The following WWC1 variants were observed in gnomAD, a reference collection of about 807,000 sequenced individuals.
WWC1 encodes WW and C2 domain containing 1.
A neutral mutation model predicts 138.4 loss-of-function variants in WWC1; 55 were observed. That is an observed-to-expected ratio of 0.40 (90% confidence interval 0.32 to 0.50). The LOEUF (loss-of-function observed/expected upper bound fraction) is 0.50, where lower values mean the gene tolerates loss of function less well. Ranked by LOEUF, WWC1 falls within the 20% of genes least tolerant of loss-of-function variation. The pLI, the probability that WWC1 is intolerant of heterozygous loss-of-function variation, is 0.72. For synonymous variants in WWC1, 524 were observed against 564.9 expected (o/e 0.93, Z 1.03); for missense variants, 1,226 against 1,420.4 (o/e 0.86, Z 2.20).
At chr5:168,338,114 C>A (rs754443587) in intron 1 of WWC1, among the ~76,000 whole-genome samples, 57 of 151,890 alleles carry the variant, frequency 3.8e-4, no homozygotes, top group Non-Finnish European at 6.5e-4. Flanking sequence ...AGTTCGAGAC[C>A]GGTCTGGCCA....
In WWC1 at chr5:168,468,931, A is replaced by G. The variant is rs1183297209; in HGVS notation, c.3276-20A>G. The G allele has an allele frequency of 6.2e-7, 1 of 1,614,108 alleles. No homozygotes were observed. The highest frequency in any genetic ancestry group is 8.5e-7 in the Non-Finnish European group (1 of 1,179,936). On this transcript the variant is annotated intron_variant, in intron 22 of 22. Transcript: ENST00000265293. ...GCGAGGTTGAAAACCCCTGCTCTAA[A>G]GGGATGGCCTCTCTTATAGGGAGAA...
chr5:168,461,100 AG>A (rs1477140129), intron 20 of WWC1, among the ~76,000 whole-genome samples: 1 of 152,122 alleles, frequency 6.6e-6, no homozygotes, highest in East Asian at 1.9e-4. Flanking sequence ...AGGCCGAGGT[AG>A]GAGGATCACC....
intron 3 of WWC1, among the ~76,000 whole-genome samples, chr5:168,385,936 GC>G (rs1302971567): frequency 2.6e-5 from 4 of 152,018 alleles, no homozygotes; most frequent in African/African-American, 9.7e-5. Context: ...CCGTGGTCAG[GC>G]CCCTGCCAGC....
intron 1 of WWC1, among the ~76,000 whole-genome samples, chr5:168,350,762 A>G (rs1441598133): frequency 6.6e-6 from 1 of 152,230 alleles, no homozygotes; most frequent in East Asian, 1.9e-4. Context: ...GACATTGCAA[A>G]CAATGAGCTA....
At chr5:168,319,438 A>G (rs746941522) in intron 1 of WWC1, among the ~76,000 whole-genome samples, 2 of 152,106 alleles carry the variant, frequency 1.3e-5, no homozygotes, top group Non-Finnish European at 2.9e-5. Flanking sequence ...ATAAATAAAT[A>G]TGTGTTTGTT....
At chr5:168,346,269 T>G (rs143213762) in intron 1 of WWC1, among the ~76,000 whole-genome samples, 1 of 152,018 alleles carries the variant, frequency 6.6e-6, no homozygotes, top group South Asian at 2.1e-4. Context: ...TGTAAGGAGA[T>G]ACAAGATACT....
At chr5:168,378,700 T>C (rs1418681032) in intron 2 of WWC1, among the ~76,000 whole-genome samples, 1 of 152,186 alleles carries the variant, frequency 6.6e-6, no homozygotes, top group Non-Finnish European at 1.5e-5. Context: ...CCACAAGACA[T>C]GAGGGTACTG....
intron 18 of WWC1, 123 bp from the exon 19 acceptor site, chr5:168,455,233 C>A: frequency 1.6e-6 from 2 of 1,253,332 alleles, no homozygotes; most frequent in Non-Finnish European, 2.2e-6. Context: ...GCCAAGGAAA[C>A]CCTGGTTGTG....
At position 168,406,221 on chromosome 5, in the gene WWC1, C is replaced by G. The variant is rs753746794; in HGVS notation, c.614C>G (p.Ala205Gly). The G allele has an allele frequency of 4.3e-6, 7 of 1,613,902 alleles. No individual in the cohort carries two copies. The highest frequency in any genetic ancestry group is 5.9e-6 in the Non-Finnish European group (7 of 1,179,928). The change falls in exon 6 of 23, where the codon GCT (alanine) becomes GGT (glycine). Residue 205 changes from alanine to glycine, a missense_variant. By Grantham distance (60) the Ala-to-Gly change is moderately conservative. Around this residue, in one of 3 missense-constraint regions of WWC1, gnomAD observed 1,016 missense variants for 1,153.9 expected, o/e 0.88. Coordinates refer to ENST00000265293, the MANE Select transcript of WWC1 (RefSeq NM_015238.3). ...AGAATCGATAAGAAAATGTCTGATG[C>G]TCAGGGCAGCTACAAACTGGATGAA... ...LKKIDKKMSD[A>G]QGSYKLDEAQ...
chr5:168,378,246 A>G (rs1441457457), intron 2 of WWC1, among the ~76,000 whole-genome samples: 2 of 152,154 alleles, frequency 1.3e-5, no homozygotes, highest in Non-Finnish European at 2.9e-5. Flanking sequence ...GTACTTATCG[A>G]CATAAAAGAT....
At chr5:168,304,751 G>C (rs531674299) in intron 1 of WWC1, among the ~76,000 whole-genome samples, 1 of 152,218 alleles carries the variant, frequency 6.6e-6, no homozygotes, top group East Asian at 1.9e-4. Flanking sequence ...TTGAATGGCA[G>C]ACGCTGGCCA....
intron 11 of WWC1, among the ~76,000 whole-genome samples, chr5:168,424,894 T>G (rs1222451408): frequency 6.6e-6 from 1 of 152,230 alleles, no homozygotes; most frequent in Non-Finnish European, 1.5e-5. Flanking sequence ...GGCCGGAATT[T>G]AAGTTGGAAT....
intron 1 of WWC1, among the ~76,000 whole-genome samples, chr5:168,326,216 C>CTTTTTTTTTTTTTTTTTTTTTTTTTTT (rs796347858): frequency 1.1e-4 from 13 of 113,280 alleles, no homozygotes; most frequent in African/African-American, 4.5e-4. Context: ...ACCTGATAGT[C>CTTTTTTTTTTTTTTTTTTTTTTTTTTT]TTTTTTTTTT....
At chr5:168,346,342 A>G (rs1232288714) in intron 1 of WWC1, among the ~76,000 whole-genome samples, 1 of 152,156 alleles carries the variant, frequency 6.6e-6, no homozygotes, top group African/African-American at 2.4e-5. Context: ...TGATCCAGGA[A>G]CCATACAGGG....
chr5:168,414,596 G>T lies in WWC1; in HGVS notation c.1184+6G>T. The T allele has an allele frequency of 1.3e-6, 2 of 1,549,570 alleles. No homozygotes were observed. Among genetic ancestry groups the T allele is most frequent in the Non-Finnish European group, 1.7e-6 (2 of 1,147,114 alleles). ...AGCAAGGCGCTGACGGAGAGGTGGGGCTGGGGCCCCAGGGTGTGTAGGACC... is the reference window on the plus strand; with the variant it reads ...AGCAAGGCGCTGACGGAGAGGTGGGTCTGGGGCCCCAGGGTGTGTAGGACC... On this transcript the variant is annotated splice_donor_region_variant and intron_variant, in intron 9 of 22. Transcript: ENST00000265293.
chr5:168,297,289 GGACCTTTCTGTTCGT>G (rs1488652584), intron 1 of WWC1, among the ~76,000 whole-genome samples: 4 of 152,138 alleles, frequency 2.6e-5, no homozygotes. Flanking sequence ...CAGCTGGAGT[GGACCTTTCTGTTCGT>G]GAAATCCAGG....
At chr5:168,305,304 T>C (rs114592296) in intron 1 of WWC1, among the ~76,000 whole-genome samples, 4,208 of 152,130 alleles carry the variant, frequency 0.028, 202 homozygotes, top group African/African-American at 0.094. Context: ...CCCAAATCCT[T>C]GCTGGCCACT....
At chr5:168,345,440 A>G (rs1774386707) in intron 1 of WWC1, among the ~76,000 whole-genome samples, 1 of 152,124 alleles carries the variant, frequency 6.6e-6, no homozygotes, top group Non-Finnish European at 1.5e-5. Flanking sequence ...CTTCTTCTTT[A>G]TCTTAATGGA....
At chr5:168,347,097 C>T (rs1774542433) in intron 1 of WWC1, among the ~76,000 whole-genome samples, 2 of 152,134 alleles carry the variant, frequency 1.3e-5, no homozygotes, top group African/African-American at 4.8e-5. Flanking sequence ...CTCCACTTTC[C>T]TAATAGGGTC....
Sources: allele counts gnomAD v4.1 joint callset (sites outside exome capture counted in the v4.1 genomes callset), GRCh38; gene constraint gnomAD v4.1.1; regional missense constraint gnomAD v4.1.1; transcripts MANE v1.5; gene names NCBI Gene and HGNC (gene_info 2026-07-23, HGNC 2026-07-21).